KATNBL1: variants seen among roughly 807,000 people sequenced by gnomAD.
The protein encoded by KATNBL1 is KATNB1-like protein 1.
In KATNBL1, 28 loss-of-function variants were observed where a neutral mutation model predicts 44.7. The observed-to-expected ratio is 0.63, with a 90% CI of 0.46 to 0.86. KATNBL1 has a LOEUF of 0.86. Ranked by LOEUF, KATNBL1 falls within the 40% of genes least tolerant of loss-of-function variation. KATNBL1 has a pLI of 0.00. For missense variants in KATNBL1, 272 were observed against 350.7 expected (o/e 0.78, Z 1.79); for synonymous variants, 78 against 114.9 (o/e 0.68, Z 2.06).
intron 2 of KATNBL1, among the ~76,000 whole-genome samples, chr15:34,161,254 T>C (rs540669473): frequency 2.6e-5 from 4 of 152,208 alleles, no homozygotes; most frequent in South Asian, 2.1e-4. Flanking sequence ...GTGATTATTT[T>C]TTTTCCCCCA....
At chr15:34,166,435 G>A (rs1888976830) in intron 1 of KATNBL1, among the ~76,000 whole-genome samples, 1 of 152,240 alleles carries the variant, frequency 6.6e-6, no homozygotes, top group African/African-American at 2.4e-5. Context: ...GTGGCTGGGG[G>A]AAGCTCGAAC....
At chr15:34,184,739 AT>A (rs1445795720) in intron 1 of KATNBL1, among the ~76,000 whole-genome samples, 1 of 150,506 alleles carries the variant, frequency 6.6e-6, no homozygotes, top group Non-Finnish European at 1.5e-5. Context: ...TGCCCGGCTA[AT>A]TTTTTTCTAC....
intron 1 of KATNBL1, among the ~76,000 whole-genome samples, chr15:34,171,023 C>T (rs1280436803): frequency 6.6e-6 from 1 of 152,098 alleles, no homozygotes; most frequent in East Asian, 1.9e-4. Flanking sequence ...ACACAGACAT[C>T]GGCAAGGACT....
At chr15:34,191,055 A>T (rs1347951761) in intron 1 of KATNBL1, among the ~76,000 whole-genome samples, 4 of 151,388 alleles carry the variant, frequency 2.6e-5, no homozygotes, top group Admixed American at 2.6e-4. Flanking sequence ...ATCCTAGTTT[A>T]AAAAAAACAA....
chr15:34,165,191 C>T (rs1394884511), intron 1 of KATNBL1, among the ~76,000 whole-genome samples: 1 of 152,278 alleles, frequency 6.6e-6, no homozygotes, highest in Non-Finnish European at 1.5e-5. Context: ...CGTGAAGCAA[C>T]ACGGTTTGTT....
chr15:34,203,888 G>A (rs1376944295), intron 1 of KATNBL1, among the ~76,000 whole-genome samples: 1 of 151,952 alleles, frequency 6.6e-6, no homozygotes, highest in Non-Finnish European at 1.5e-5. Flanking sequence ...TGGGGGGTGG[G>A]GGGCTAGGGG....
At chr15:34,158,186 A>ACATC (rs1420569898) in intron 2 of KATNBL1, among the ~76,000 whole-genome samples, 6 of 152,214 alleles carry the variant, frequency 3.9e-5, no homozygotes, top group African/African-American at 1.4e-4. Context: ...AAATTGCTAC[A>ACATC]CATCCATAAA....
At chr15:34,170,755 A>C (rs186987086) in intron 1 of KATNBL1, among the ~76,000 whole-genome samples, 3 of 152,216 alleles carry the variant, frequency 2.0e-5, no homozygotes, top group Non-Finnish European at 4.4e-5. Flanking sequence ...GACCAATGGA[A>C]CAGAACAGAG....
chr15:34,200,724 C>G (rs1890157740), intron 1 of KATNBL1, among the ~76,000 whole-genome samples: 1 of 152,312 alleles, frequency 6.6e-6, no homozygotes, highest in South Asian at 2.1e-4. Context: ...AATTCCAACT[C>G]TCTTATGACT....
In KATNBL1 at chr15:34,152,607, G is replaced by A. The variant is rs544702269; in HGVS notation, c.438+183C>T. 2.6e-5 allele frequency among the ~76,000 whole-genome samples: 4 copies of A among 152,248 alleles called. No individual in the cohort carries two copies. The South Asian group carries it at 6.2e-4, about 24-fold the overall frequency. On this transcript the variant is annotated intron_variant, in intron 4 of 9. Coordinates refer to ENST00000256544, the MANE Select transcript of KATNBL1 (RefSeq NM_024713.3). Reference sequence around the variant, plus strand: ...GCATTTCATCCCATCTTAGAGAAATGGAATAAATTATTAATTCAAATTTGG... The same window carrying A: ...GCATTTCATCCCATCTTAGAGAAATAGAATAAATTATTAATTCAAATTTGG...
Position 34,193,253 on chromosome 15 carries a change from G to T in KATNBL1, c.-15+16698C>A, listed in dbSNP as rs549633396. 2.6e-4 allele frequency among the ~76,000 whole-genome samples: 36 copies of T among 137,208 alleles called. 1 individual carries two copies. In the South Asian group the frequency reaches 8.7e-3, roughly 33 times the overall value. The allele number at this position is 137,208 out of a possible 152,430, so 90.0% of individuals were successfully genotyped here. ...AAAAAAAACAAAAAAAAAACTTAAG[G>T]CCAGATGCAGTGGATCATGCCTGTA... On this transcript the variant is annotated intron_variant, in intron 1 of 9. Transcript: ENST00000256544.
At position 34,147,414 on chromosome 15, in the gene KATNBL1, C is replaced by A; in HGVS notation, c.574G>T (p.Val192Phe). The part of the protein sequence containing the change: ...AYLLRIEDLG[V>F]VVDCLPVLTN... ...AGCACAGGAAGGCAATCTACCACAA[C>A]GCCAAGATCTTCTATCCTGAGAGTA... is the stretch of plus-strand genomic sequence containing the variant. The change falls in exon 6 of 10, where the codon GTT becomes TTT. Residue 192 changes from valine (V) to phenylalanine (F), a missense_variant. Coordinates refer to ENST00000256544, the MANE Select transcript of KATNBL1 (RefSeq NM_024713.3). 6.2e-7 allele frequency: 1 copy of A among 1,612,840 alleles called. No individual in the cohort carries two copies. Among genetic ancestry groups the A allele is most frequent in the Non-Finnish European group, 8.5e-7 (1 of 1,178,982 alleles).
chr15:34,143,056 G>A, intron 9 of KATNBL1: 1 of 1,239,642 alleles, frequency 8.1e-7, no homozygotes, highest in Non-Finnish European at 1.1e-6. Context: ...TTAATTGATG[G>A]TTTAATTTTG....
chr15:34,156,813 T>A (rs981431532), intron 2 of KATNBL1, among the ~76,000 whole-genome samples: 1 of 152,268 alleles, frequency 6.6e-6, no homozygotes, highest in South Asian at 2.1e-4. Context: ...TGGATTGTAC[T>A]GATTTAGCTG....
At chr15:34,161,046 A>T (rs1888787240) in intron 2 of KATNBL1, among the ~76,000 whole-genome samples, 1 of 151,914 alleles carries the variant, frequency 6.6e-6, no homozygotes, top group South Asian at 2.1e-4. Context: ...TCCAACCCAG[A>T]CTCCTTTACA....
At chr15:34,183,515 T>A (rs952084027) in intron 1 of KATNBL1, among the ~76,000 whole-genome samples, 6 of 152,228 alleles carry the variant, frequency 3.9e-5, no homozygotes, top group African/African-American at 1.4e-4. Flanking sequence ...TAACTAGCTC[T>A]ATAACCTTGG....
chr15:34,161,359 A>AG (rs1405259530), intron 2 of KATNBL1, among the ~76,000 whole-genome samples: 1 of 152,186 alleles, frequency 6.6e-6, no homozygotes, highest in African/African-American at 2.4e-5. Flanking sequence ...CACCGCAATG[A>AG]GGCTGCAGGG....
intron 1 of KATNBL1, among the ~76,000 whole-genome samples, chr15:34,200,499 G>A (rs946795690): frequency 4.0e-5 from 6 of 151,014 alleles, no homozygotes; most frequent in Non-Finnish European, 8.8e-5. Context: ...CTGACCTCTT[G>A]ATCCACCTGC....
chr15:34,198,423 C>CA (rs1237905862), intron 1 of KATNBL1: 4 of 152,128 alleles, frequency 2.6e-5, no homozygotes, highest in Non-Finnish European at 5.9e-5. Context: ...TTAGGGAAAA[C>CA]AAACAAAAAC....
Sources: gnomAD v4.1 joint callset for allele counts (sites outside exome capture counted in the v4.1 genomes callset) on GRCh38, gnomAD v4.1.1 for gene constraint, MANE v1.5 for transcripts, NCBI Gene and HGNC (gene_info 2026-07-23, HGNC 2026-07-21) for gene names.